FILIP1L: variants seen among roughly 807,000 people sequenced by gnomAD.
The protein encoded by FILIP1L is filamin A-interacting protein 1-like.
A neutral mutation model predicts 96.6 loss-of-function variants in FILIP1L; 55 were observed. The ratio of observed to expected loss-of-function variants is 0.57; its 90% CI spans 0.46 to 0.71. The LOEUF (loss-of-function observed/expected upper bound fraction) is 0.71. FILIP1L is among the 30% of genes least tolerant of loss of function. FILIP1L has a pLI of 0.00. For missense variants in FILIP1L, 1,304 were observed against 1,321.2 expected, an observed-to-expected ratio of 0.99 and a Z score of 0.20; for synonymous variants, 467 against 473.9, an observed-to-expected ratio of 0.99 and a Z score of 0.19.
intron 1 of FILIP1L, among the ~76,000 whole-genome samples, chr3:100,070,974 A>G (rs1481091697): frequency 2.0e-5 from 3 of 151,892 alleles, no homozygotes; most frequent in African/African-American, 7.3e-5. Flanking sequence ...AATTCTCACT[A>G]TGTAATGCCC....
chr3:99,892,951 C>T (rs1353917820), intron 4 of FILIP1L, among the ~76,000 whole-genome samples: 2 of 152,020 alleles, frequency 1.3e-5, no homozygotes, highest in Non-Finnish European at 2.9e-5. Flanking sequence ...AGATGAGGCC[C>T]CTGTTGGTGC....
chr3:99,930,110 T>C (rs899359038), intron 2 of FILIP1L, 81 bp from the exon 3 acceptor site: 7 of 1,162,176 alleles, frequency 6.0e-6, no homozygotes, highest in Non-Finnish European at 8.5e-6. Flanking sequence ...TAGTTGGCAG[T>C]GCTTTTTCTT....
chr3:99,949,400 T>G (rs1335265901), intron 1 of FILIP1L, among the ~76,000 whole-genome samples: 1 of 152,256 alleles, frequency 6.6e-6, no homozygotes, highest in Non-Finnish European at 1.5e-5. Flanking sequence ...ATTTTTGTTC[T>G]TCAGCTCTGT....
chr3:99,840,306 C>T (rs1354672987), intron 5 of FILIP1L, among the ~76,000 whole-genome samples: 1 of 149,530 alleles, frequency 6.7e-6, no homozygotes, highest in Non-Finnish European at 1.5e-5. Flanking sequence ...TCACTGCAAC[C>T]TCTGCCTCCC....
chr3:100,026,818 T>C (rs2064930498), intron 1 of FILIP1L, among the ~76,000 whole-genome samples: 1 of 152,128 alleles, frequency 6.6e-6, no homozygotes, highest in Non-Finnish European at 1.5e-5. Context: ...ATTCTTTCTC[T>C]CCTGCAGCCA....
At position 99,848,666 on chromosome 3, in the gene FILIP1L, C is replaced by A. The variant is rs1438550039; in HGVS notation, c.3010G>T (p.Val1004Phe). The change falls in exon 5 of 6, where the codon GTT becomes TTT. Residue 1004 changes from valine to phenylalanine, a missense_variant. Physicochemically the swap from Val to Phe is conservative, Grantham distance 50. Coordinates refer to ENST00000477258, the MANE Select transcript of FILIP1L (RefSeq NM_001387850.1). The part of the protein sequence containing the change: ...TPERTMSPIQ[V>F]LAVTGSASSP... ...CTAGCTGAACCAGTCACAGCCAAAA[C>A]CTGAATAGGGGACATTGTCCTTTCT... 2 of 1,614,168 alleles carry A rather than the reference C, an allele frequency of 1.2e-6. No individual in the cohort carries two copies. Among genetic ancestry groups the A allele is most frequent in the Non-Finnish European group, 1.7e-6 (2 of 1,180,034 alleles).
chr3:100,047,877 C>T (rs985448650), intron 1 of FILIP1L, among the ~76,000 whole-genome samples: 2 of 151,610 alleles, frequency 1.3e-5, no homozygotes, highest in Non-Finnish European at 2.9e-5. Context: ...ACAGGGTGGG[C>T]GAAAAATGAT....
intron 1 of FILIP1L, among the ~76,000 whole-genome samples, chr3:99,981,100 A>G (rs1709108735): frequency 1.3e-5 from 2 of 152,184 alleles, no homozygotes; most frequent in African/African-American, 4.8e-5. Context: ...TTTGTGTGGG[A>G]TTACATACTC....
intron 1 of FILIP1L, among the ~76,000 whole-genome samples, chr3:100,003,603 G>T (rs1339119883): frequency 6.6e-6 from 1 of 152,130 alleles, no homozygotes; most frequent in Non-Finnish European, 1.5e-5. Flanking sequence ...ACTAAGTACA[G>T]TGTTTTTTCC....
intron 1 of FILIP1L, among the ~76,000 whole-genome samples, chr3:100,022,102 T>C (rs1395602214): frequency 1.3e-5 from 2 of 152,168 alleles, no homozygotes; most frequent in Admixed American, 1.3e-4. Flanking sequence ...ATAGGGATTT[T>C]TAAAATTTTA....
chr3:99,998,698 G>T (rs1358803305), intron 1 of FILIP1L, among the ~76,000 whole-genome samples: 1 of 152,178 alleles, frequency 6.6e-6, no homozygotes, highest in Admixed American at 6.5e-5. Flanking sequence ...CAGTAGCTGG[G>T]ACTACAAGCA....
intron 1 of FILIP1L, among the ~76,000 whole-genome samples, chr3:99,999,425 A>G (rs982515122): frequency 8.5e-5 from 13 of 152,126 alleles, no homozygotes; most frequent in African/African-American, 1.7e-4. Context: ...TGGGTGGGTG[A>G]GTGGTTGGGA....
rs1175009377 is a variant in FILIP1L at position 99,851,043 on chromosome 3, G to A, written c.633C>T (p.Ile211=). 6.3e-7 allele frequency: 1 copy of A among 1,594,484 alleles called. No homozygotes were observed. Among genetic ancestry groups the A allele is most frequent in the East Asian group, 2.2e-5 (1 of 44,654 alleles). ...ERLKKLIDQE[I]KSQEEKEQEK... is the part of the protein sequence containing the mutation. The stretch of plus-strand genomic sequence containing the variant: ...CTTGCTCCTTCTCCTCCTGAGACTT[G>A]ATTTCTTGATCAATTAGCTTCTTTA... The change falls in exon 5 of 6, where the codon ATC becomes ATT. Residue 211 remains isoleucine, a synonymous_variant. Transcript: ENST00000477258.
chr3:99,988,527 A>AAAAAAAAAAAAAAG, intron 1 of FILIP1L, among the ~76,000 whole-genome samples: 1 of 130,214 alleles, frequency 7.7e-6, no homozygotes, highest in Non-Finnish European at 1.6e-5. Context: ...AAAAAAAAAA[A>AAAAAAAAAAAAAAG]AAAGAAAGAA....
intron 4 of FILIP1L, chr3:99,876,145 G>T: frequency 4.1e-6 from 4 of 986,176 alleles, no homozygotes; most frequent in Non-Finnish European, 4.8e-6. Context: ...AGCCGACTGT[G>T]CGCGCTCCGA....
intron 1 of FILIP1L, among the ~76,000 whole-genome samples, chr3:100,008,113 T>C (rs1240268012): frequency 6.6e-6 from 1 of 152,158 alleles, no homozygotes; most frequent in African/African-American, 2.4e-5. Context: ...TTACAATAAA[T>C]TGCTGCTGCT....
intron 5 of FILIP1L, 136 bp downstream of exon 5, chr3:99,848,159 A>G (rs1943452644): frequency 6.5e-7 from 1 of 1,529,646 alleles, no homozygotes; most frequent in African/African-American, 1.4e-5. Context: ...TAGTTCATGC[A>G]CAAACCTTCC....
chr3:99,994,406 A>G (rs1307898116), intron 1 of FILIP1L, among the ~76,000 whole-genome samples: 1 of 152,230 alleles, frequency 6.6e-6, no homozygotes, highest in African/African-American at 2.4e-5. Flanking sequence ...ATTTACAACA[A>G]CATTCTTACC....
chr3:99,927,597 G>A (rs538768778), intron 3 of FILIP1L, among the ~76,000 whole-genome samples: 2 of 152,082 alleles, frequency 1.3e-5, no homozygotes, highest in African/African-American at 4.8e-5. Context: ...TCGAATTCCC[G>A]ACCTCAGGTG....
Sources: gnomAD v4.1 joint callset for allele counts (sites outside exome capture counted in the v4.1 genomes callset) on GRCh38, gnomAD v4.1.1 for gene constraint, MANE v1.5 for transcripts, NCBI Gene and HGNC (gene_info 2026-07-23, HGNC 2026-07-21) for gene names.